Variants in GUCY1A2 observed in about 807,000 individuals in gnomAD.
The protein encoded by GUCY1A2 is guanylate cyclase 1 soluble subunit alpha 2.
In GUCY1A2, 27 loss-of-function variants were observed where a neutral mutation model predicts 63.5. The observed-to-expected ratio is 0.43, with a 90% CI of 0.31 to 0.59. GUCY1A2 has a LOEUF of 0.59. Among genes scored for constraint, GUCY1A2 ranks in the 20% least tolerant of loss-of-function variants. The pLI, the probability that GUCY1A2 is intolerant of heterozygous loss-of-function variation, is 0.11. For synonymous variants in GUCY1A2, 364 were observed against 343.5 expected (o/e 1.06, Z -0.66); for missense variants, 768 against 913.3 (o/e 0.84, Z 2.05).
intron 4 of GUCY1A2, among the ~76,000 whole-genome samples, chr11:106,902,934 C>A (rs1050689618): frequency 3.3e-5 from 5 of 152,064 alleles, no homozygotes; most frequent in African/African-American, 1.2e-4. Context: ...CCATGGGAGG[C>A]CCTGGAACCA....
At position 106,674,671 on chromosome 11, in the gene GUCY1A2, T is replaced by C. The variant is rs1024181864; in HGVS notation, c.*12878A>G. 1 of 190,288 alleles carries C rather than the reference T, an allele frequency of 5.3e-6. No homozygotes were observed. The highest frequency in any genetic ancestry group is 1.1e-5 in the Non-Finnish European group (1 of 90,610). 11.8% of individuals were successfully genotyped at this position (190,288 alleles called of 1,614,324 possible). ...TTGATGACATTATAATTTAAGTTTT[T>C]GATAACTCAATTTTTAAAAGATATT... On this transcript the variant is annotated 3_prime_UTR_variant, in exon 8 of 8. Coordinates refer to ENST00000526355, the MANE Select transcript of GUCY1A2 (RefSeq NM_000855.3).
rs546675868 is a variant in GUCY1A2 at position 106,930,851 on chromosome 11, G to A, written c.1206+8609C>T. Among the ~76,000 whole-genome samples the A allele has an allele frequency of 1.1e-4, 17 of 152,318 alleles. No homozygotes were observed. The South Asian group carries it at 1.9e-3, about 17-fold the overall frequency. On this transcript the variant is annotated intron_variant, in intron 4 of 7. Transcript: ENST00000526355. Reference sequence around the variant, plus strand: ...AGCACTTTGGCAAGCCAAGGCAGGCGGATCACGAGGTCAAGAGTTCGAGAC... The same window carrying A: ...AGCACTTTGGCAAGCCAAGGCAGGCAGATCACGAGGTCAAGAGTTCGAGAC...
At chr11:106,777,225 C>A (rs374275050) in intron 5 of GUCY1A2, among the ~76,000 whole-genome samples, 1 of 152,096 alleles carries the variant, frequency 6.6e-6, no homozygotes. Flanking sequence ...GTTGAGGCAG[C>A]GGATCACGAG....
chr11:106,765,320 A>T (rs1372540493), intron 6 of GUCY1A2, among the ~76,000 whole-genome samples: 1 of 152,118 alleles, frequency 6.6e-6, no homozygotes, highest in Non-Finnish European at 1.5e-5. Flanking sequence ...AAAGAATTAT[A>T]TTCCTAAAAG....
In GUCY1A2 at chr11:106,687,657, C is replaced by T; in HGVS notation, c.2091G>A (p.Leu697=). 1 of 1,613,392 alleles carries T rather than the reference C, an allele frequency of 6.2e-7. No homozygotes were observed. Among genetic ancestry groups the T allele is most frequent in the Non-Finnish European group, 8.5e-7 (1 of 1,179,378 alleles). Residue 697 remains leucine (L), a synonymous_variant, in exon 8 of 8, where the codon CTG becomes CTA. Coordinates refer to ENST00000526355, the MANE Select transcript of GUCY1A2 (RefSeq NM_000855.3). ...PKEIPGICYF[L]EVRTGPKPPK... ...GTGGCTTTGGACCAGTCCTTACCTC[C>T]AGGAAATAGCAGATCCCAGGAATTT... is the stretch of plus-strand genomic sequence containing the variant.
intron 6 of GUCY1A2, among the ~76,000 whole-genome samples, chr11:106,724,020 C>T (rs1863362077): frequency 6.6e-6 from 1 of 152,192 alleles, no homozygotes; most frequent in Admixed American, 6.5e-5. Flanking sequence ...TTCCTCCATT[C>T]CCGTTCAGTT....
chr11:106,874,997 T>A (rs1338594780), intron 4 of GUCY1A2, among the ~76,000 whole-genome samples: 1 of 152,098 alleles, frequency 6.6e-6, no homozygotes, highest in African/African-American at 2.4e-5. Context: ...AATAAAGAAA[T>A]AATCCATTAT....
intron 6 of GUCY1A2, among the ~76,000 whole-genome samples, chr11:106,719,645 C>A (rs1344327324): frequency 6.6e-6 from 1 of 151,938 alleles, no homozygotes; most frequent in Non-Finnish European, 1.5e-5. Flanking sequence ...AATATTAAAC[C>A]CCTGAGTTAC....
chr11:106,953,653 C>G (rs1035405144), intron 3 of GUCY1A2, among the ~76,000 whole-genome samples: 2 of 145,152 alleles, frequency 1.4e-5, no homozygotes, highest in Non-Finnish European at 3.0e-5. Context: ...CTGGTCCTTG[C>G]TTTTTTTTTT....
At chr11:107,012,374 T>C (rs1861759713) in intron 1 of GUCY1A2, among the ~76,000 whole-genome samples, 1 of 152,076 alleles carries the variant, frequency 6.6e-6, no homozygotes, top group Non-Finnish European at 1.5e-5. Context: ...TTTAGATCAC[T>C]TTGAGGCATT....
At chr11:106,858,978 C>T (rs1859472973) in intron 4 of GUCY1A2, among the ~76,000 whole-genome samples, 1 of 152,076 alleles carries the variant, frequency 6.6e-6, no homozygotes, top group Non-Finnish European at 1.5e-5. Flanking sequence ...ATTCTGGATG[C>T]CTTGATCACA....
chr11:106,709,562 TTA>T (rs1863024470), intron 6 of GUCY1A2, among the ~76,000 whole-genome samples: 2 of 106,432 alleles, frequency 1.9e-5, no homozygotes, highest in Admixed American at 1.4e-4. Context: ...TATAAATATG[TTA>T]TATACGTGTA....
chr11:106,794,783 A>G (rs1344328), intron 5 of GUCY1A2, among the ~76,000 whole-genome samples: 48,626 of 151,936 alleles, frequency 0.32, 8,018 homozygotes, highest in East Asian at 0.49. Context: ...TATGTGACTG[A>G]TAATTATTTA....
At chr11:106,913,064 C>T (rs1860316903) in intron 4 of GUCY1A2, among the ~76,000 whole-genome samples, 1 of 152,038 alleles carries the variant, frequency 6.6e-6, no homozygotes. Flanking sequence ...TACCAGCATT[C>T]TATACACAGT....
chr11:107,017,839 T>TGGC lies in GUCY1A2; in HGVS notation c.214_216dup (p.Ala72dup), dbSNP rs775134077. ...CGCTGCACCCTCCTGGCCCCGGCAG[T>TGGC]GGCAGCGGCGGCGGCGGCAGAAGCA... On this transcript the variant is annotated inframe_insertion, in exon 1 of 8. Coordinates refer to ENST00000526355, the MANE Select transcript of GUCY1A2 (RefSeq NM_000855.3). 1.6e-6 allele frequency: 2 copies of TGGC among 1,277,166 alleles called. No homozygotes were observed. The highest frequency in any genetic ancestry group is 2.0e-6 in the Non-Finnish European group (2 of 1,013,198). 79.1% of individuals were successfully genotyped at this position (1,277,166 alleles called of 1,614,324 possible). A position where few individuals can be genotyped will look rare whatever the true frequency, so the allele number is the denominator to read the frequency against.
intron 4 of GUCY1A2, chr11:106,827,491 T>C (rs1858987664): frequency 2.0e-6 from 3 of 1,466,840 alleles, no homozygotes; most frequent in African/African-American, 2.8e-5. Flanking sequence ...CTGAGCACTG[T>C]CTGTATCACG....
intron 5 of GUCY1A2, among the ~76,000 whole-genome samples, chr11:106,780,067 C>T (rs1401651406): frequency 6.6e-6 from 1 of 152,076 alleles, no homozygotes; most frequent in Non-Finnish European, 1.5e-5. Context: ...GTCCCAGCTA[C>T]TTGGAATTGC....
chr11:106,995,643 G>A (rs1243193162), intron 1 of GUCY1A2, among the ~76,000 whole-genome samples: 6 of 152,086 alleles, frequency 3.9e-5, no homozygotes, highest in Admixed American at 3.9e-4. Flanking sequence ...AAACTATAAA[G>A]TATTACACAA....
chr11:106,834,751 T>C (rs938501144), intron 4 of GUCY1A2, among the ~76,000 whole-genome samples: 1 of 152,052 alleles, frequency 6.6e-6, no homozygotes, highest in Non-Finnish European at 1.5e-5. Flanking sequence ...AACTATGAGC[T>C]GAAAGCGCAT....
Sources: allele counts gnomAD v4.1 joint callset (sites outside exome capture counted in the v4.1 genomes callset), GRCh38; gene constraint gnomAD v4.1.1; transcripts MANE v1.5; gene names NCBI Gene and HGNC (gene_info 2026-07-23, HGNC 2026-07-21).